LMTK2: variants seen among roughly 807,000 people sequenced by gnomAD.
The protein encoded by LMTK2 is lemur tail kinase 2.
LMTK2 carries 37 observed loss-of-function variants against 127.5 expected under a neutral mutation model. The ratio of observed to expected loss-of-function variants is 0.29; its 90% CI spans 0.22 to 0.38. LMTK2 has a LOEUF of 0.38. Ranked by LOEUF, LMTK2 falls within the 10% of genes least tolerant of loss-of-function variation. The pLI is 1.00. For synonymous variants in LMTK2, 819 were observed against 810.1 expected, an observed-to-expected ratio of 1.01 and a Z score of -0.19; for missense variants, 1,694 against 1,920.3, an observed-to-expected ratio of 0.88 and a Z score of 2.20.
In LMTK2 at chr7:98,191,970, G is replaced by C. The variant is rs767090835; in HGVS notation, c.1505G>C (p.Ser502Thr). The C allele has an allele frequency of 1.2e-6, 2 of 1,614,120 alleles. No individual in the cohort carries two copies. The highest frequency in any genetic ancestry group is 2.2e-5 in the South Asian group (2 of 91,082). Residue 502 changes from serine (S) to threonine (T), a missense_variant, in exon 11 of 14, where the codon AGC becomes ACC. By Grantham distance (58) the Ser-to-Thr change is moderately conservative. Coordinates refer to ENST00000297293, the MANE Select transcript of LMTK2 (RefSeq NM_014916.4). The part of the protein sequence containing the change: ...GHLDEGLSYT[S>T]IFYPVEVFES... ...CTGGACGAAGGCTTGTCCTACACGA[G>C]CATCTTCTATCCGGTTGAAGTTTTT...
chr7:98,107,069 C>T lies in LMTK2; in HGVS notation c.-109C>T, dbSNP rs1796116201. On this transcript the variant is annotated 5_prime_UTR_variant, in exon 1 of 14. Coordinates refer to ENST00000297293, the MANE Select transcript of LMTK2 (RefSeq NM_014916.4). ...GCAACGTGTGCTCGGGAGCAACCGG[C>T]GCGGGTGCCACTGAGGCAGCGGAGG... 12 of 813,706 alleles carry T rather than the reference C, an allele frequency of 1.5e-5. No individual in the cohort carries two copies. Among genetic ancestry groups the T allele is most frequent in the East Asian group, 3.4e-5 (1 of 29,732 alleles). 50.4% of individuals were successfully genotyped at this position (813,706 alleles called of 1,614,324 possible). A position where few individuals can be genotyped will look rare whatever the true frequency, so the allele number is the denominator to read the frequency against.
intron 7 of LMTK2, among the ~76,000 whole-genome samples, chr7:98,182,453 A>G (rs1279659444): frequency 1.3e-5 from 2 of 152,258 alleles, no homozygotes; most frequent in Non-Finnish European, 2.9e-5. Flanking sequence ...CAAAGGAAAT[A>G]TACAAATGGC....
At chr7:98,137,562 C>A in intron 2 of LMTK2, 120 bp downstream of exon 2, 1 of 829,142 alleles carries the variant, frequency 1.2e-6, no homozygotes, top group Non-Finnish European at 1.8e-6. Context: ...CCCTAATGGC[C>A]AAATAGTAAA....
chr7:98,164,331 G>A (rs1366703497), intron 6 of LMTK2, among the ~76,000 whole-genome samples: 1 of 152,158 alleles, frequency 6.6e-6, no homozygotes, highest in Non-Finnish European at 1.5e-5. Context: ...GAGCAAATTC[G>A]AAGTGCCGGG....
rs780737183 is a variant in LMTK2, at chr7:98,192,247, C to T, written c.1782C>T (p.Ser594=). The change falls in exon 11 of 14, where the codon AGC becomes AGT. Residue 594 remains serine (S), a synonymous_variant. Transcript: ENST00000297293. The part of the protein sequence containing the change: ...PELSQLTALR[S]VELEESSTDE... Reference sequence around the variant, plus strand: ...TGTCCCAGCTCACGGCGCTCAGGAGCGTTGAACTTGAGGAGTCCAGTACAG... The same window carrying T: ...TGTCCCAGCTCACGGCGCTCAGGAGTGTTGAACTTGAGGAGTCCAGTACAG... 2.0e-6 allele frequency: 3 copies of T among 1,524,600 alleles called. No individual in the cohort carries two copies. Among genetic ancestry groups the T allele is most frequent in the East Asian group, 2.3e-5 (1 of 44,302 alleles). 94.4% of individuals were successfully genotyped at this position (1,524,600 alleles called of 1,614,324 possible).
chr7:98,124,262 T>C (rs1796411026), intron 1 of LMTK2, among the ~76,000 whole-genome samples: 2 of 152,304 alleles, frequency 1.3e-5, no homozygotes, highest in South Asian at 4.1e-4. Flanking sequence ...TGCTCTGTCA[T>C]GGAGTGGGAA....
chr7:98,109,763 A>AAAAG (rs1796172505), intron 1 of LMTK2, among the ~76,000 whole-genome samples: 3 of 151,310 alleles, frequency 2.0e-5, no homozygotes, highest in East Asian at 3.9e-4. Flanking sequence ...AAAAAAAAAA[A>AAAAG]GAAAGGAAGA....
chr7:98,114,043 T>TA (rs1169048725), intron 1 of LMTK2, among the ~76,000 whole-genome samples: 3 of 151,970 alleles, frequency 2.0e-5, no homozygotes, highest in Non-Finnish European at 4.4e-5. Context: ...ATGTCTCAGG[T>TA]ACCCGCAGCC....
chr7:98,172,239 A>C (rs1478940788), intron 7 of LMTK2, among the ~76,000 whole-genome samples: 1 of 151,950 alleles, frequency 6.6e-6, no homozygotes, highest in Non-Finnish European at 1.5e-5. Context: ...TGTGAGCAGC[A>C]CAGCGATCTG....
At chr7:98,187,957 C>G (rs1190152950) in intron 9 of LMTK2, among the ~76,000 whole-genome samples, 1 of 152,124 alleles carries the variant, frequency 6.6e-6, no homozygotes, top group Non-Finnish European at 1.5e-5. Flanking sequence ...TAACTAGTAT[C>G]CCCTTCACTC....
At chr7:98,115,982 C>G (rs960022583) in intron 1 of LMTK2, among the ~76,000 whole-genome samples, 1 of 152,118 alleles carries the variant, frequency 6.6e-6, no homozygotes, top group South Asian at 2.1e-4. Context: ...AACTCCTAGG[C>G]TCAAGCAGTC....
chr7:98,113,015 G>T (rs554596385), intron 1 of LMTK2, among the ~76,000 whole-genome samples: 1 of 152,142 alleles, frequency 6.6e-6, no homozygotes, highest in South Asian at 2.1e-4. Flanking sequence ...ACACTTACCT[G>T]TAGGTGTGTG....
chr7:98,190,924 G>A, intron 10 of LMTK2, 47 bp downstream of exon 10: 1 of 1,581,056 alleles, frequency 6.3e-7, no homozygotes, highest in Non-Finnish European at 8.6e-7. Context: ...TTCACTGTGA[G>A]GTGTCCCCAA....
chr7:98,172,578 T>A (rs1797210400), intron 7 of LMTK2, among the ~76,000 whole-genome samples: 1 of 152,208 alleles, frequency 6.6e-6, no homozygotes, highest in Non-Finnish European at 1.5e-5. Flanking sequence ...TGAGCTGTGC[T>A]TTATGTTTAA....
intron 11 of LMTK2, among the ~76,000 whole-genome samples, chr7:98,198,822 G>A (rs931917102): frequency 2.0e-5 from 3 of 152,094 alleles, no homozygotes; most frequent in African/African-American, 7.2e-5. Context: ...TTCCCTTTAT[G>A]TACTACTTTA....
At chr7:98,135,469 G>A (rs892503263) in intron 1 of LMTK2, among the ~76,000 whole-genome samples, 3 of 151,774 alleles carry the variant, frequency 2.0e-5, no homozygotes, top group Non-Finnish European at 1.5e-5. Flanking sequence ...GTGTCACCAC[G>A]CCCAGCTAAC....
Position 98,159,524 on chromosome 7 carries a change from T to C in LMTK2, c.657+99T>C. ...CTGGATGAGGGGTTGCTTTCATGTC[T>C]GTCCCCCACTTGAAGAACTTTATGA... On this transcript the variant is annotated intron_variant, in intron 6 of 13. Coordinates refer to ENST00000297293, the MANE Select transcript of LMTK2 (RefSeq NM_014916.4). 4 of 780,894 alleles carry C rather than the reference T, an allele frequency of 5.1e-6. No homozygotes were observed. In the South Asian group the frequency reaches 6.0e-5, roughly 12 times the overall value. 48.4% of individuals were successfully genotyped at this position (780,894 alleles called of 1,614,324 possible).
Position 98,165,611 on chromosome 7 carries a change from A to G in LMTK2, c.658-5930A>G, listed in dbSNP as rs546411931. On this transcript the variant is annotated intron_variant, in intron 6 of 13. Transcript: ENST00000297293. Reference sequence around the variant, plus strand: ...GAATGACCCGGCCCTGTGTACTTTTATACCAGGTGGTTTAATGCCACTACC... The same window carrying G: ...GAATGACCCGGCCCTGTGTACTTTTGTACCAGGTGGTTTAATGCCACTACC... 4.1e-4 allele frequency among the ~76,000 whole-genome samples: 62 copies of G among 151,970 alleles called. 2 individuals are homozygous for G. Among genetic ancestry groups the G allele is most frequent in the South Asian group, 1.5e-3 (7 of 4,818 alleles).
At position 98,192,379 on chromosome 7, in the gene LMTK2, T is replaced by C; in HGVS notation, c.1914T>C (p.Asp638=). Residue 638 remains aspartate (D), a synonymous_variant, in exon 11 of 14, where the codon GAT becomes GAC. Coordinates refer to ENST00000297293, the MANE Select transcript of LMTK2 (RefSeq NM_014916.4). ...GCCCTTTCAACAATATATTTAATGA[T>C]GTGGACAAATCGGAAGATTTGCCCA... The part of the protein sequence containing the change: ...PESPFNNIFN[D]VDKSEDLPSH... 6.2e-7 allele frequency: 1 copy of C among 1,605,120 alleles called. No homozygotes were observed. Among genetic ancestry groups the C allele is most frequent in the Non-Finnish European group, 8.5e-7 (1 of 1,177,708 alleles).
Sources: gnomAD v4.1 joint callset for allele counts (sites outside exome capture counted in the v4.1 genomes callset) on GRCh38, gnomAD v4.1.1 for gene constraint, MANE v1.5 for transcripts, NCBI Gene and HGNC (gene_info 2026-07-23, HGNC 2026-07-21) for gene names.